MMS22L: variants seen among roughly 807,000 people sequenced by gnomAD.
The protein encoded by MMS22L is protein MMS22-like.
A neutral mutation model predicts 159.1 loss-of-function variants in MMS22L; 74 were observed. That is an observed-to-expected ratio of 0.47 (90% CI 0.39 to 0.56). The LOEUF is 0.56. MMS22L is among the 20% of genes least tolerant of loss of function. MMS22L has a pLI of 0.00. For missense variants in MMS22L, 1,351 were observed against 1,422.1 expected, an observed-to-expected ratio of 0.95 and a Z score of 0.80; for synonymous variants, 517 against 506.9, an observed-to-expected ratio of 1.02 and a Z score of -0.27.
At chr6:97,203,480 C>T (rs1807404385) in intron 14 of MMS22L, among the ~76,000 whole-genome samples, 1 of 152,128 alleles carries the variant, frequency 6.6e-6, no homozygotes, top group Non-Finnish European at 1.5e-5. Context: ...ACTCAATAAA[C>T]AGTTTCTGTT....
rs73760104 is a variant in MMS22L, at chr6:97,213,464, C to T, written c.2039+15430G>A. Among the ~76,000 whole-genome samples, 574 of 152,190 alleles carry T rather than the reference C, an allele frequency of 3.8e-3. 2 individuals are homozygous for T. The highest frequency in any genetic ancestry group is 0.013 in the African/African-American group (553 of 41,558). ...TAGTATAATCCCACTTTTGTCCCCC[C>T]ACCCTTCAAAATAAAACAGGTGGTA... On this transcript the variant is annotated intron_variant, in intron 14 of 24. Coordinates refer to ENST00000683635, the MANE Select transcript of MMS22L (RefSeq NM_001350599.2).
At chr6:97,283,692 C>G (rs1816977458), upstream of MMS22L, 1 of 152,330 alleles carries the variant, frequency 6.6e-6, no homozygotes, top group African/African-American at 2.4e-5. Context: ...AAAGCACTAA[C>G]CAACTTGACC....
At chr6:97,181,794 G>C (rs1003662540) in intron 16 of MMS22L, 110 bp downstream of exon 16, 2 of 1,079,372 alleles carry the variant, frequency 1.9e-6, no homozygotes, top group Non-Finnish European at 2.5e-6. Flanking sequence ...GACAAAGTGA[G>C]AGTATATGTA....
intron 22 of MMS22L, among the ~76,000 whole-genome samples, chr6:97,160,827 T>A (rs1304497915): frequency 6.6e-6 from 1 of 152,030 alleles, no homozygotes; most frequent in Non-Finnish European, 1.5e-5. Flanking sequence ...ATGATCTGTA[T>A]TGATCTATTT....
intron 14 of MMS22L, among the ~76,000 whole-genome samples, chr6:97,195,871 T>C (rs897708732): frequency 6.6e-6 from 1 of 152,158 alleles, no homozygotes; most frequent in African/African-American, 2.4e-5. Context: ...TCAGTTACTT[T>C]ATGAAGGAAA....
Position 97,186,787 on chromosome 6 carries a change from G to C in MMS22L, c.2040-97C>G, listed in dbSNP as rs1805289910. ...AGCTTTTTCCATTTATATCATATGA[G>C]AAACATTTTATATAATTAAAACCTT... On this transcript the variant is annotated intron_variant, in intron 14 of 24. Coordinates refer to ENST00000683635, the MANE Select transcript of MMS22L (RefSeq NM_001350599.2). 7.1e-6 allele frequency: 6 copies of C among 843,530 alleles called. 1 individual carries two copies. The South Asian group carries it at 1.4e-4, about 19-fold the overall frequency. 52.3% of individuals were successfully genotyped at this position (843,530 alleles called of 1,614,324 possible). A position where few individuals can be genotyped will look rare whatever the true frequency, so the allele number is the denominator to read the frequency against.
At chr6:97,160,368 GA>G (rs376397576) in intron 22 of MMS22L, among the ~76,000 whole-genome samples, 2 of 152,088 alleles carry the variant, frequency 1.3e-5, no homozygotes, top group African/African-American at 4.8e-5. Flanking sequence ...TAGCTTTGCT[GA>G]AAAAAGATTC....
At chr6:97,217,442 G>A (rs901379108) in intron 14 of MMS22L, among the ~76,000 whole-genome samples, 2 of 151,866 alleles carry the variant, frequency 1.3e-5, no homozygotes, top group African/African-American at 2.4e-5. Flanking sequence ...TTTAGTAGAG[G>A]TGGGGTTTCG....
At chr6:97,274,577 G>A (rs1124241) in intron 4 of MMS22L, among the ~76,000 whole-genome samples, 38,549 of 151,832 alleles carry the variant, frequency 0.25, 5,948 homozygotes, top group East Asian at 0.79. Flanking sequence ...AACTGTACCA[G>A]CTCCCCACCT....
At chr6:97,275,209 C>A (rs1268262746) in intron 4 of MMS22L, among the ~76,000 whole-genome samples, 1 of 152,110 alleles carries the variant, frequency 6.6e-6, no homozygotes, top group East Asian at 1.9e-4. Flanking sequence ...CTAATCAATA[C>A]AAATAGTTTC....
At chr6:97,267,048 T>G (rs1241916446) in intron 8 of MMS22L, 1 of 152,206 alleles carries the variant, frequency 6.6e-6, no homozygotes, top group Non-Finnish European at 1.5e-5. Context: ...ATTTAGCCAT[T>G]CTACACTGTA....
rs1803179466 is a variant in MMS22L, at chr6:97,168,248, A to C, written c.2840-8T>G. On this transcript the variant is annotated splice_polypyrimidine_tract_variant and splice_region_variant and intron_variant, in intron 19 of 24. Transcript: ENST00000683635. The stretch of plus-strand genomic sequence containing the variant: ...ATGATTTCACAAGAATTCCTAACAA[A>C]GAAGAGAAGTAACAGCATGTTGTTG... The C allele has an allele frequency of 1.2e-6, 2 of 1,611,702 alleles. No individual in the cohort carries two copies.
chr6:97,213,060 T>C (rs1490317372), intron 14 of MMS22L, among the ~76,000 whole-genome samples: 1 of 152,180 alleles, frequency 6.6e-6, no homozygotes, highest in Non-Finnish European at 1.5e-5. Context: ...TGTGTGCGTG[T>C]GTGTGTGTCT....
chr6:97,149,709 T>G, intron 24 of MMS22L, 144 bp downstream of exon 24: 1 of 745,522 alleles, frequency 1.3e-6, no homozygotes, highest in Admixed American at 3.5e-5. Flanking sequence ...TTTGTAAAAC[T>G]GATAATCACA....
intron 10 of MMS22L, 90 bp from the exon 11 acceptor site, chr6:97,246,780 C>T (rs1812693499): frequency 5.0e-6 from 4 of 800,412 alleles, no homozygotes; most frequent in Non-Finnish European, 8.1e-6. Context: ...GTGTGCAGTA[C>T]ATTTTCCTCT....
intron 14 of MMS22L, among the ~76,000 whole-genome samples, chr6:97,191,667 T>C (rs989084493): frequency 6.6e-6 from 1 of 152,168 alleles, no homozygotes; most frequent in Non-Finnish European, 1.5e-5. Context: ...ATTCCAAGTA[T>C]CTTATTGATC....
At chr6:97,206,138 T>C (rs548666488) in intron 14 of MMS22L, among the ~76,000 whole-genome samples, 13 of 152,110 alleles carry the variant, frequency 8.5e-5, no homozygotes, top group Non-Finnish European at 1.3e-4. Context: ...TGCAAATGAG[T>C]GCCCTCCAAC....
At chr6:97,163,443 T>C (rs749443702) in intron 21 of MMS22L, among the ~76,000 whole-genome samples, 11 of 150,348 alleles carry the variant, frequency 7.3e-5, no homozygotes, top group Non-Finnish European at 1.6e-4. Context: ...TCCTGAGTAT[T>C]AAAAAAAAAG....
rs1035324327 is a variant in MMS22L, at chr6:97,145,675, C to G, written c.*1131G>C. The G allele has an allele frequency of 1.3e-5, 2 of 152,158 alleles. No homozygotes were observed. The highest frequency in any genetic ancestry group is 2.4e-5 in the African/African-American group (1 of 41,446). 9.4% of individuals were successfully genotyped at this position (152,158 alleles called of 1,614,324 possible). A position where few individuals can be genotyped will look rare whatever the true frequency, so the allele number is the denominator to read the frequency against. ...ACGTACATTATCCCATTGATTCTCA[C>G]AACAACACTGTCAAATAGTAAAGGG... On this transcript the variant is annotated 3_prime_UTR_variant, in exon 25 of 25. Transcript: ENST00000683635.
Sources: gnomAD v4.1 joint callset for allele counts (sites outside exome capture counted in the v4.1 genomes callset) on GRCh38, gnomAD v4.1.1 for gene constraint, MANE v1.5 for transcripts, NCBI Gene and HGNC (gene_info 2026-07-23, HGNC 2026-07-21) for gene names.